The following EYS variants were observed in gnomAD, a reference collection of about 807,000 sequenced individuals.
EYS encodes the protein protein eyes shut homolog.
Under a neutral mutation model 282.1 loss-of-function variants are expected in EYS, and 250 were observed. The observed-to-expected ratio is 0.89, with a 90% CI of 0.80 to 0.98. The LOEUF is 0.98. Ranked by LOEUF, EYS falls within the 50% of genes least tolerant of loss-of-function variation. EYS has a pLI of 0.00. For missense variants in EYS, 4,016 were observed against 3,709.0 expected, an observed-to-expected ratio of 1.08 and a Z score of -2.15; for synonymous variants, 1,355 against 1,282.9, an observed-to-expected ratio of 1.06 and a Z score of -1.20.
At position 63,913,609 on chromosome 6, in the gene EYS, C is replaced by T. The variant is rs568015685; in HGVS notation, c.7056-49251G>A. ...ATCATTAAAAATGTTTGGCATATTTCGCTTAGTATTATTTTTAAAGGTTCA... is the reference window on the plus strand; with the variant it reads ...ATCATTAAAAATGTTTGGCATATTTTGCTTAGTATTATTTTTAAAGGTTCA... On this transcript the variant is annotated intron_variant, in intron 35 of 42. Transcript: ENST00000503581. Among the ~76,000 whole-genome samples, 102 of 152,306 alleles carry T rather than the reference C, an allele frequency of 6.7e-4. 1 individual carries two copies. The highest frequency in any genetic ancestry group is 3.4e-3 in the Middle Eastern group (1 of 294).
chr6:65,296,013 G>A lies in EYS; in HGVS notation c.1873C>T (p.His625Tyr), dbSNP rs1001099315. 6.4e-7 allele frequency: 1 copy of A among 1,551,140 alleles called. No individual in the cohort carries two copies. The highest frequency in any genetic ancestry group is 8.7e-7 in the Non-Finnish European group (1 of 1,146,532). ...SVHGLCLALS[H>Y]NCNCSGLQRY... ...TGCAGACCGCTACAGTTACAATTGT[G>A]CGAAAGGGCCAGGCAGAGGCCATGC... Residue 625 changes from histidine to tyrosine, a missense_variant, in exon 12 of 43, where the codon CAC (histidine) becomes TAC (tyrosine). Physicochemically the swap from His to Tyr is moderately conservative, Grantham distance 83. Coordinates refer to ENST00000503581, the MANE Select transcript of EYS (RefSeq NM_001142800.2).
At chr6:63,885,254 CT>C in intron 35 of EYS, among the ~76,000 whole-genome samples, 1 of 152,258 alleles carries the variant, frequency 6.6e-6, no homozygotes, top group Non-Finnish European at 1.5e-5. Context: ...TAGGCTACAT[CT>C]TTTGTCATCT....
intron 30 of EYS, among the ~76,000 whole-genome samples, chr6:64,256,663 A>T (rs573818058): frequency 6.6e-6 from 1 of 152,192 alleles, no homozygotes; most frequent in Admixed American, 6.6e-5. Flanking sequence ...GCCTGCCTGT[A>T]TGATGCCTAT....
At chr6:65,121,197 T>C (rs1202636170) in intron 12 of EYS, among the ~76,000 whole-genome samples, 3 of 152,166 alleles carry the variant, frequency 2.0e-5, no homozygotes, top group Non-Finnish European at 4.4e-5. Context: ...TTCATGTGAA[T>C]CTTGTCAGTG....
At chr6:65,550,093 C>T (rs1393710735) in intron 2 of EYS, among the ~76,000 whole-genome samples, 1 of 149,742 alleles carries the variant, frequency 6.7e-6, no homozygotes, top group Non-Finnish European at 1.5e-5. Flanking sequence ...TGTAGCTGAA[C>T]CTGTTTTTCC....
intron 1 of EYS, among the ~76,000 whole-genome samples, chr6:65,663,295 A>G (rs988240569): frequency 6.6e-6 from 1 of 152,178 alleles, no homozygotes; most frequent in Non-Finnish European, 1.5e-5. Flanking sequence ...ACCAATTCTA[A>G]GAGTATATGG....
chr6:65,405,390 A>G (rs201701462), intron 5 of EYS, 23 bp from the exon 6 acceptor site: 69 of 1,530,060 alleles, frequency 4.5e-5, no homozygotes, highest in African/African-American at 1.2e-4. Context: ...ACACACAAGA[A>G]AAAAAAAGAA....
chr6:65,336,570 G>A (rs1769998039), intron 10 of EYS, among the ~76,000 whole-genome samples: 1 of 151,364 alleles, frequency 6.6e-6, no homozygotes, highest in Non-Finnish European at 1.5e-5. Flanking sequence ...GATGGAAATA[G>A]CATTGTATTG....
At chr6:64,320,585 C>G (rs778283767) in intron 29 of EYS, among the ~76,000 whole-genome samples, 1 of 150,834 alleles carries the variant, frequency 6.6e-6, no homozygotes, top group African/African-American at 2.4e-5. Flanking sequence ...CATTTTTCTC[C>G]TATTTTTCTT....
At chr6:64,310,537 G>C (rs1769652071) in intron 29 of EYS, among the ~76,000 whole-genome samples, 1 of 152,144 alleles carries the variant, frequency 6.6e-6, no homozygotes, top group African/African-American at 2.4e-5. Context: ...GATGAGAATA[G>C]CTGGATACAT....
At chr6:64,332,767 C>T (rs1770694725) in intron 29 of EYS, among the ~76,000 whole-genome samples, 1 of 152,130 alleles carries the variant, frequency 6.6e-6, no homozygotes, top group African/African-American at 2.4e-5. Context: ...TGGAAGCTGA[C>T]TAGTCTACAC....
chr6:65,445,258 G>T (rs1035339350), intron 5 of EYS, among the ~76,000 whole-genome samples: 1 of 151,828 alleles, frequency 6.6e-6, no homozygotes, highest in Non-Finnish European at 1.5e-5. Flanking sequence ...GGTGGAAAAT[G>T]ATCACTTTTA....
At chr6:64,724,700 A>G (rs1017790043) in intron 22 of EYS, among the ~76,000 whole-genome samples, 5 of 152,194 alleles carry the variant, frequency 3.3e-5, no homozygotes, top group Admixed American at 2.0e-4. Context: ...ATTTTTATGT[A>G]TTATTATATA....
At chr6:64,256,578 C>G (rs182833859) in intron 30 of EYS, among the ~76,000 whole-genome samples, 1 of 151,962 alleles carries the variant, frequency 6.6e-6, no homozygotes, top group Non-Finnish European at 1.5e-5. Flanking sequence ...GACAAAGGAG[C>G]AGAAGAAAAG....
At chr6:63,833,415 C>T (rs1044967660) in intron 36 of EYS, among the ~76,000 whole-genome samples, 1 of 151,876 alleles carries the variant, frequency 6.6e-6, no homozygotes, top group African/African-American at 2.4e-5. Flanking sequence ...CATTCCTATA[C>T]ACCAATAAGA....
At chr6:64,038,125 G>A (rs1400591848) in intron 33 of EYS, among the ~76,000 whole-genome samples, 1 of 152,018 alleles carries the variant, frequency 6.6e-6, no homozygotes, top group Admixed American at 6.6e-5. Context: ...GTTACCAGAG[G>A]CTGGGGTGGT....
At chr6:64,107,028 A>AATTTTC (rs1773037580) in intron 31 of EYS, among the ~76,000 whole-genome samples, 1 of 151,054 alleles carries the variant, frequency 6.6e-6, no homozygotes, top group African/African-American at 2.4e-5. Context: ...TTATTCTTAG[A>AATTTTC]ATTTTCATCT....
intron 22 of EYS, among the ~76,000 whole-genome samples, chr6:64,738,865 C>A (rs1772276051): frequency 6.6e-6 from 1 of 152,192 alleles, no homozygotes; most frequent in South Asian, 2.1e-4. Flanking sequence ...TCAAGAGATT[C>A]TCCTGCCTCA....
chr6:65,082,425 T>C (rs1774253396), intron 12 of EYS, among the ~76,000 whole-genome samples: 2 of 152,082 alleles, frequency 1.3e-5, no homozygotes, highest in African/African-American at 2.4e-5. Context: ...AAAACTAAAT[T>C]GGTCAATTTA....
Sources: allele counts gnomAD v4.1 joint callset (sites outside exome capture counted in the v4.1 genomes callset), GRCh38; gene constraint gnomAD v4.1.1; transcripts MANE v1.5; gene names NCBI Gene and HGNC (gene_info 2026-07-23, HGNC 2026-07-21).